The following LARGE1 variants were observed in gnomAD, a reference collection of about 807,000 sequenced individuals.
LARGE1 encodes xylosyl- and glucuronyltransferase LARGE1.
A neutral mutation model predicts 87.6 loss-of-function variants in LARGE1; 43 were observed. The ratio of observed to expected loss-of-function variants is 0.49; its 90% CI spans 0.38 to 0.63. The LOEUF is 0.63. LARGE1 is among the 30% of genes least tolerant of loss of function. The pLI is 0.00. For synonymous variants in LARGE1, 434 were observed against 394.6 expected (o/e 1.10, Z -1.18); for missense variants, 802 against 1,000.2 (o/e 0.80, Z 2.67).
chr22:33,910,321 T>C (rs949392831), intron 1 of LARGE1, among the ~76,000 whole-genome samples: 2 of 152,136 alleles, frequency 1.3e-5, no homozygotes, highest in Non-Finnish European at 2.9e-5. Flanking sequence ...CTCTAATACC[T>C]AAGTGAAGGA....
chr22:33,761,797 C>A (rs751444918), intron 1 of LARGE1, among the ~76,000 whole-genome samples: 1 of 151,996 alleles, frequency 6.6e-6, no homozygotes, highest in Admixed American at 6.5e-5. Context: ...CAAACACGCA[C>A]ACACACATAC....
At chr22:33,886,396 G>T (rs2064846034) in intron 1 of LARGE1, among the ~76,000 whole-genome samples, 1 of 152,156 alleles carries the variant, frequency 6.6e-6, no homozygotes, top group Non-Finnish European at 1.5e-5. Context: ...CATTAAAGTG[G>T]ACTGGGCACA....
chr22:33,664,151 G>A (rs533921516), intron 2 of LARGE1, among the ~76,000 whole-genome samples: 3 of 152,296 alleles, frequency 2.0e-5, no homozygotes, highest in African/African-American at 7.2e-5. Flanking sequence ...GCTTCCCAGT[G>A]CCTGGCACAA....
intron 12 of LARGE1, among the ~76,000 whole-genome samples, chr22:33,287,493 G>A (rs548255314): frequency 1.3e-5 from 2 of 152,296 alleles, no homozygotes; most frequent in East Asian, 1.9e-4. Context: ...CAATACCGAT[G>A]TCCTGAAAGG....
At chr22:33,771,669 G>A (rs1401828165) in intron 1 of LARGE1, among the ~76,000 whole-genome samples, 6 of 152,148 alleles carry the variant, frequency 3.9e-5, no homozygotes, top group Middle Eastern at 3.4e-3. Flanking sequence ...ATTCCTCCCT[G>A]TAGCTCTGGC....
intron 3 of LARGE1, among the ~76,000 whole-genome samples, chr22:33,643,432 C>G (rs542422688): frequency 1.3e-5 from 2 of 152,140 alleles, no homozygotes; most frequent in East Asian, 1.9e-4. Flanking sequence ...TAAATGCCCA[C>G]AACAGAAAGC....
At chr22:33,292,841 A>G (rs1035627505) in intron 12 of LARGE1, among the ~76,000 whole-genome samples, 1 of 152,186 alleles carries the variant, frequency 6.6e-6, no homozygotes, top group Non-Finnish European at 1.5e-5. Flanking sequence ...TAACTGTGCA[A>G]TCATGGGCCA....
At chr22:33,472,644 G>C (rs1201791414) in intron 6 of LARGE1, among the ~76,000 whole-genome samples, 3 of 152,172 alleles carry the variant, frequency 2.0e-5, no homozygotes, top group East Asian at 3.8e-4. Context: ...TGTCTCAGCA[G>C]ATAGTCATTT....
intron 2 of LARGE1, among the ~76,000 whole-genome samples, chr22:33,754,946 T>C (rs948369654): frequency 6.6e-6 from 1 of 152,140 alleles, no homozygotes; most frequent in African/African-American, 2.4e-5. Context: ...GGCTGGGGAA[T>C]CAGTCATGTC....
At chr22:33,760,511 G>T (rs1013781520) in intron 2 of LARGE1, among the ~76,000 whole-genome samples, 2 of 152,070 alleles carry the variant, frequency 1.3e-5, no homozygotes, top group Non-Finnish European at 2.9e-5. Context: ...ATCACAACGC[G>T]CATCGCAACG....
chr22:33,699,724 G>A (rs1450985573), intron 2 of LARGE1, among the ~76,000 whole-genome samples: 2 of 151,986 alleles, frequency 1.3e-5, no homozygotes, highest in African/African-American at 4.8e-5. Flanking sequence ...CTTTCAATAA[G>A]CATAAAAGAA....
intron 5 of LARGE1, among the ~76,000 whole-genome samples, chr22:33,571,304 A>G (rs996094164): frequency 5.9e-5 from 9 of 152,158 alleles, no homozygotes; most frequent in African/African-American, 1.7e-4. Flanking sequence ...ATTACCAGGC[A>G]GACCCAAAGG....
At chr22:33,885,678 C>T (rs971070477) in intron 1 of LARGE1, among the ~76,000 whole-genome samples, 6 of 152,104 alleles carry the variant, frequency 3.9e-5, no homozygotes, top group African/African-American at 1.4e-4. Context: ...GGAGATGAAC[C>T]ACCCAACCTA....
intron 1 of LARGE1, among the ~76,000 whole-genome samples, chr22:33,824,268 T>G (rs1046554249): frequency 6.6e-6 from 1 of 152,144 alleles, no homozygotes; most frequent in East Asian, 1.9e-4. Flanking sequence ...TTTAACTGAC[T>G]CTCAGTTCTG....
At chr22:33,868,500 C>T (rs1426927854) in intron 1 of LARGE1, among the ~76,000 whole-genome samples, 2 of 152,210 alleles carry the variant, frequency 1.3e-5, no homozygotes, top group East Asian at 1.9e-4. Flanking sequence ...ATGCTCCCCA[C>T]GTGGCCTAAA....
chr22:33,611,191 G>A (rs1264702578), intron 4 of LARGE1, among the ~76,000 whole-genome samples: 3 of 152,216 alleles, frequency 2.0e-5, no homozygotes, highest in African/African-American at 7.2e-5. Flanking sequence ...CAGAGCTGTG[G>A]GAAGGGGGCC....
chr22:33,079,694 T>A, the LARGE1 span, among the ~76,000 whole-genome samples: 1 of 152,180 alleles, frequency 6.6e-6, no homozygotes, highest in Non-Finnish European at 1.5e-5. Context: ...TTAAGGAAAC[T>A]CTAGTTTCCT....
intron 11 of LARGE1, among the ~76,000 whole-genome samples, chr22:33,223,582 C>G (rs1400345988): frequency 6.6e-6 from 1 of 152,128 alleles, no homozygotes; most frequent in Non-Finnish European, 1.5e-5. Flanking sequence ...AGTGATGGTT[C>G]TTATACCATA....
chr22:33,745,653 A>G (rs2084053534), intron 2 of LARGE1, among the ~76,000 whole-genome samples: 1 of 152,216 alleles, frequency 6.6e-6, no homozygotes, highest in Admixed American at 6.5e-5. Context: ...GGTTCTCGCT[A>G]CTGCTTGGAG....
Sources: gnomAD v4.1 joint callset for allele counts (sites outside exome capture counted in the v4.1 genomes callset) on GRCh38, gnomAD v4.1.1 for gene constraint, MANE v1.5 for transcripts, NCBI Gene and HGNC (gene_info 2026-07-23, HGNC 2026-07-21) for gene names.